PC: variants seen among roughly 807,000 people sequenced by gnomAD.
PC encodes pyruvate carboxylase, mitochondrial.
Under a neutral mutation model 107.8 loss-of-function variants are expected in PC, and 46 were observed. The ratio of observed to expected loss-of-function variants is 0.43; its 90% CI spans 0.34 to 0.55. The LOEUF (loss-of-function observed/expected upper bound fraction) is 0.55. Among genes scored for constraint, PC ranks in the 20% least tolerant of loss-of-function variants. The probability of loss-of-function intolerance (pLI) is 0.04; values close to 1 mark genes in which losing one functional copy is unlikely to be tolerated. For synonymous variants in PC, 662 were observed against 684.7 expected, an observed-to-expected ratio of 0.97 and a Z score of 0.52; for missense variants, 1,241 against 1,643.1, an observed-to-expected ratio of 0.76 and a Z score of 4.23.
chr11:66,860,006 G>A (rs1425364826), intron 12 of PC: 35 of 1,593,770 alleles, frequency 2.2e-5, no homozygotes, highest in Non-Finnish European at 2.7e-5. Context: ...CCCACCCGCC[G>A]CGGAGCCCCC....
chr11:66,892,957 A>G (rs984805433), intron 3 of PC, among the ~76,000 whole-genome samples: 9 of 151,968 alleles, frequency 5.9e-5, no homozygotes, highest in Admixed American at 2.0e-4. Flanking sequence ...GGAGGCAGAG[A>G]AGGAAGAATT....
rs762967386 is a variant in PC at position 66,850,787 on chromosome 11, G to A, written c.2360C>T (p.Ala787Val). 1.9e-6 allele frequency: 3 copies of A among 1,611,226 alleles called. No individual in the cohort carries two copies. In the African/African-American group the frequency reaches 4.0e-5, roughly 21 times the overall value. ...GAGVAAMLACAQAGADVVDVA... is the reference protein window; with the variant it reads ...GAGVAAMLACVQAGADVVDVA... ...ATCCACCACATCAGCTCCAGCCTGG[G>A]CACAGGCCAGCATGGCTGCCACGCC... Residue 787 changes from alanine to valine, a missense_variant, in exon 18 of 23, where the codon GCC becomes GTC. Ala to Val is a moderately conservative substitution (Grantham distance 64). Transcript: ENST00000393960.
chr11:66,931,876 G>A (rs1261876732), intron 3 of PC, among the ~76,000 whole-genome samples: 4 of 152,014 alleles, frequency 2.6e-5, no homozygotes, highest in South Asian at 2.1e-4. Flanking sequence ...AACATTAGCC[G>A]GGCATAGTGG....
intron 3 of PC, among the ~76,000 whole-genome samples, chr11:66,890,770 G>A (rs989298721): frequency 2.0e-5 from 3 of 151,936 alleles, no homozygotes; most frequent in African/African-American, 4.8e-5. Context: ...CTCCCAAAGC[G>A]CTGGGATTAC....
intron 3 of PC, among the ~76,000 whole-genome samples, chr11:66,935,722 C>T (rs955154233): frequency 1.3e-5 from 2 of 152,196 alleles, no homozygotes; most frequent in African/African-American, 4.8e-5. Flanking sequence ...CACTGAACCT[C>T]TCTGAACCTC....
intron 3 of PC, among the ~76,000 whole-genome samples, chr11:66,919,545 C>A (rs1034759943): frequency 6.6e-6 from 1 of 152,054 alleles, no homozygotes; most frequent in Non-Finnish European, 1.5e-5. Flanking sequence ...CATTGGCTGG[C>A]GAGGAAGGGC....
At chr11:66,896,580 G>A (rs1947768000) in intron 3 of PC, among the ~76,000 whole-genome samples, 1 of 152,234 alleles carries the variant, frequency 6.6e-6, no homozygotes, top group Admixed American at 6.5e-5. Context: ...GGGAGCAGAG[G>A]GGCAAGGAGG....
chr11:66,954,610 G>A (rs893539957), intron 1 of PC, among the ~76,000 whole-genome samples, 174 bp from the exon 2 acceptor site: 1 of 152,168 alleles, frequency 6.6e-6, no homozygotes, highest in African/African-American at 2.4e-5. Context: ...GACGATATTG[G>A]GAGGCAGCCA....
At chr11:66,916,720 C>T (rs879544134) in intron 3 of PC, among the ~76,000 whole-genome samples, 10 of 152,054 alleles carry the variant, frequency 6.6e-5, no homozygotes, top group Non-Finnish European at 1.5e-4. Context: ...TTCGGGAGGC[C>T]GAGGCGTGCG....
chr11:66,925,966 G>A (rs1948706973), intron 3 of PC, among the ~76,000 whole-genome samples: 1 of 151,866 alleles, frequency 6.6e-6, no homozygotes, highest in African/African-American at 2.4e-5. Flanking sequence ...TACATCGTAG[G>A]CTACTGTCTA....
In PC at chr11:66,940,122, C is replaced by T. The variant is rs547240959; in HGVS notation, c.-1+12308G>A. On this transcript the variant is annotated intron_variant, in intron 3 of 22. Coordinates refer to ENST00000393960, the MANE Select transcript of PC (RefSeq NM_001040716.2). ...TATCATGGGGTAAAAAGGCAATCCA[C>T]AGTATGGAAGAAAATATTTACAAAT... Among the ~76,000 whole-genome samples the T allele has an allele frequency of 7.3e-4, 110 of 150,570 alleles. 1 individual carries two copies. The highest frequency in any genetic ancestry group is 7.2e-3 in the Admixed American group (109 of 15,092).
chr11:66,895,662 C>T (rs1947732655), intron 3 of PC, among the ~76,000 whole-genome samples: 1 of 151,900 alleles, frequency 6.6e-6, no homozygotes, highest in Non-Finnish European at 1.5e-5. Context: ...AAAAGGAAAT[C>T]TTCTAGAAAC....
intron 3 of PC, among the ~76,000 whole-genome samples, chr11:66,914,611 CAA>C (rs764371242): frequency 4.6e-5 from 7 of 152,100 alleles, no homozygotes; most frequent in Non-Finnish European, 8.8e-5. Flanking sequence ...AAGTAAAGAA[CAA>C]ACACAGATAA....
chr11:66,853,526 C>T, intron 12 of PC, 143 bp from the exon 13 acceptor site: 1 of 962,444 alleles, frequency 1.0e-6, no homozygotes, highest in Non-Finnish European at 1.6e-6. Flanking sequence ...GGGCACTTCC[C>T]CGTCCCTCAG....
At chr11:66,890,979 T>C (rs1947554411) in intron 3 of PC, among the ~76,000 whole-genome samples, 2 of 152,126 alleles carry the variant, frequency 1.3e-5, no homozygotes, top group African/African-American at 4.8e-5. Context: ...TGACCCCATA[T>C]AGAAAATGTG....
chr11:66,940,860 G>A (rs914088947), intron 3 of PC, among the ~76,000 whole-genome samples: 22 of 152,150 alleles, frequency 1.4e-4, no homozygotes, highest in Admixed American at 4.6e-4. Flanking sequence ...GGCTGAGGCA[G>A]GTGGTCACTT....
At chr11:66,954,143 C>G (rs1284415387) in intron 2 of PC, 106 bp downstream of exon 2, 2 of 152,078 alleles carry the variant, frequency 1.3e-5, no homozygotes, top group African/African-American at 4.8e-5. Flanking sequence ...CAAGGCCCTG[C>G]AGAAAACAAA....
intron 3 of PC, among the ~76,000 whole-genome samples, chr11:66,899,248 C>T (rs1042609196): frequency 2.0e-5 from 3 of 152,136 alleles, no homozygotes; most frequent in Non-Finnish European, 2.9e-5. Flanking sequence ...GCATATTGCT[C>T]TCAAGGTTCA....
chr11:66,938,548 T>C (rs1445118287), intron 3 of PC, among the ~76,000 whole-genome samples: 1 of 152,140 alleles, frequency 6.6e-6, no homozygotes, highest in Non-Finnish European at 1.5e-5. Context: ...CTAATTAGAT[T>C]TTTTAAATTG....
Sources: allele counts gnomAD v4.1 joint callset (sites outside exome capture counted in the v4.1 genomes callset), GRCh38; gene constraint gnomAD v4.1.1; transcripts MANE v1.5; gene names NCBI Gene and HGNC (gene_info 2026-07-23, HGNC 2026-07-21).